Variants in EIF2AK2 observed in about 807,000 individuals in gnomAD.
EIF2AK2 encodes the protein interferon-induced, double-stranded RNA-activated protein kinase.
A neutral mutation model predicts 70.5 loss-of-function variants in EIF2AK2; 40 were observed. The ratio of observed to expected loss-of-function variants is 0.57; its 90% CI spans 0.44 to 0.74. The LOEUF (loss-of-function observed/expected upper bound fraction) is 0.74, where lower values mean the gene tolerates loss of function less well. Ranked by LOEUF, EIF2AK2 falls within the 30% of genes least tolerant of loss-of-function variation. EIF2AK2 has a pLI of 0.00. For synonymous variants in EIF2AK2, 198 were observed against 220.9 expected, an observed-to-expected ratio of 0.90 and a Z score of 0.92; for missense variants, 555 against 644.3, an observed-to-expected ratio of 0.86 and a Z score of 1.50.
chr2:37,120,738 G>A (rs920366404), intron 12 of EIF2AK2, among the ~76,000 whole-genome samples: 5 of 149,154 alleles, frequency 3.4e-5, no homozygotes, highest in Non-Finnish European at 7.5e-5. Context: ...CGAGACTGGC[G>A]GATTGCTTGA....
intron 4 of EIF2AK2, among the ~76,000 whole-genome samples, chr2:37,143,880 G>A (rs1045172495): frequency 3.3e-5 from 5 of 152,018 alleles, no homozygotes; most frequent in African/African-American, 1.2e-4. Context: ...GTACGACCCT[G>A]TCTCAAAAAA....
rs546892806 is a variant in EIF2AK2, at chr2:37,152,795, A to T, written c.-183-3772T>A. 9.2e-4 allele frequency among the ~76,000 whole-genome samples: 140 copies of T among 152,302 alleles called. 3 individuals carry two copies. Among genetic ancestry groups the T allele is most frequent in the Middle Eastern group, 6.8e-3 (2 of 294 alleles). On this transcript the variant is annotated intron_variant, in intron 1 of 16. Coordinates refer to ENST00000233057, the MANE Select transcript of EIF2AK2 (RefSeq NM_001135651.3). ...CTCTCTATCCAAATTCTCCACTTGAACATCTTGAACGAACTTTAAACTCAA... is the reference window on the plus strand; with the variant it reads ...CTCTCTATCCAAATTCTCCACTTGATCATCTTGAACGAACTTTAAACTCAA...
rs575789185 is a variant in EIF2AK2, at chr2:37,105,176, T to C, written c.*2097A>G. 1 of 152,106 alleles carries C rather than the reference T, an allele frequency of 6.6e-6. No homozygotes were observed. Among genetic ancestry groups the C allele is most frequent in the South Asian group, 2.1e-4 (1 of 4,810 alleles). 9.4% of individuals were successfully genotyped at this position (152,106 alleles called of 1,614,324 possible). ...TAAATTTGGCCCTTTTTAAAAATCC[T>C]AAAATCATATGGCAGTTTTAGAATG... On this transcript the variant is annotated 3_prime_UTR_variant, in exon 17 of 17. Transcript: ENST00000233057.
At chr2:37,111,539 T>A (rs1348446924) in intron 14 of EIF2AK2, among the ~76,000 whole-genome samples, 2 of 151,522 alleles carry the variant, frequency 1.3e-5, no homozygotes, top group Non-Finnish European at 2.9e-5. Flanking sequence ...GCAATACAGA[T>A]TCTGGAGAAA....
chr2:37,138,163 A>G, intron 8 of EIF2AK2, 107 bp downstream of exon 8: 1 of 870,312 alleles, frequency 1.1e-6, no homozygotes, highest in Non-Finnish European at 1.7e-6. Flanking sequence ...AAGAGTGCAT[A>G]AGATAAAAAA....
At chr2:37,135,840 C>T (rs937135001) in intron 9 of EIF2AK2, among the ~76,000 whole-genome samples, 5 of 152,202 alleles carry the variant, frequency 3.3e-5, no homozygotes, top group African/African-American at 1.2e-4. Context: ...TCATGTTACC[C>T]AGTCTGGTCT....
At chr2:37,132,759 C>A (rs972969067) in intron 10 of EIF2AK2, among the ~76,000 whole-genome samples, 6 of 152,184 alleles carry the variant, frequency 3.9e-5, no homozygotes, top group South Asian at 2.1e-4. Flanking sequence ...GAAAGCTTCA[C>A]CCCATTCCAA....
intron 6 of EIF2AK2, among the ~76,000 whole-genome samples, chr2:37,139,149 C>G (rs536876511): frequency 6.6e-6 from 1 of 151,802 alleles, no homozygotes; most frequent in East Asian, 1.9e-4. Context: ...AACCCCATCT[C>G]TACTAAAAAT....
chr2:37,147,714 A>C lies in EIF2AK2; in HGVS notation c.93T>G (p.Pro31=). The C allele has an allele frequency of 6.2e-7, 1 of 1,612,986 alleles. No homozygotes were observed. Among genetic ancestry groups the C allele is most frequent in the Non-Finnish European group, 8.5e-7 (1 of 1,179,254 alleles). ...TCCTATCATGTGGAGGTCCTGAATT[A>C]GGCAGTTCTTGATATTTAAGTACTA... The part of the protein sequence containing the change: ...QGVVLKYQEL[P]NSGPPHDRRF... The change falls in exon 3 of 17, where the codon CCT becomes CCG. Residue 31 remains proline, a synonymous_variant. Transcript: ENST00000233057.
At chr2:37,122,248 C>T (rs1470938398) in intron 12 of EIF2AK2, among the ~76,000 whole-genome samples, 1 of 152,136 alleles carries the variant, frequency 6.6e-6, no homozygotes, top group East Asian at 1.9e-4. Context: ...ACAATGGAGT[C>T]AGGAAAGCTG....
chr2:37,137,708 T>C (rs555424392), intron 8 of EIF2AK2, among the ~76,000 whole-genome samples: 126 of 152,090 alleles, frequency 8.3e-4, no homozygotes, highest in South Asian at 2.3e-3. Flanking sequence ...ATCCCATTGG[T>C]AGGAGAGAAA....
intron 6 of EIF2AK2, among the ~76,000 whole-genome samples, 190 bp from the exon 7 acceptor site, chr2:37,138,775 T>C (rs1675216842): frequency 6.6e-6 from 1 of 152,174 alleles, no homozygotes; most frequent in African/African-American, 2.4e-5. Context: ...TTTACTTTTC[T>C]GGATCACAGG....
At chr2:37,119,576 T>A (rs898497755) in intron 13 of EIF2AK2, among the ~76,000 whole-genome samples, 1 of 151,234 alleles carries the variant, frequency 6.6e-6, no homozygotes, top group Non-Finnish European at 1.5e-5. Flanking sequence ...TATATCTATC[T>A]ATCTTATTTT....
intron 4 of EIF2AK2, among the ~76,000 whole-genome samples, chr2:37,142,930 A>T (rs567837499): frequency 6.6e-6 from 1 of 152,110 alleles, no homozygotes; most frequent in Non-Finnish European, 1.5e-5. Flanking sequence ...CAGTACTTTC[A>T]TAAGAATCAA....
intron 10 of EIF2AK2, among the ~76,000 whole-genome samples, chr2:37,129,681 T>A (rs1461350346): frequency 6.6e-6 from 1 of 152,162 alleles, no homozygotes; most frequent in Admixed American, 6.5e-5. Flanking sequence ...ATGAAGGGCA[T>A]ACAAGAAACC....
chr2:37,115,192 C>T (rs1674294506), intron 13 of EIF2AK2: 1 of 202,606 alleles, frequency 4.9e-6, no homozygotes, highest in Non-Finnish European at 9.6e-6. Flanking sequence ...GGACTACAGG[C>T]ACCCGCCACC....
chr2:37,153,371 C>T (rs1319097100), intron 1 of EIF2AK2, among the ~76,000 whole-genome samples: 3 of 121,358 alleles, frequency 2.5e-5, no homozygotes, highest in East Asian at 3.1e-4. Context: ...GACAGGGTCT[C>T]GCTCTGTTGC....
At chr2:37,122,910 G>C (rs1454535647) in intron 11 of EIF2AK2, among the ~76,000 whole-genome samples, 4 of 152,194 alleles carry the variant, frequency 2.6e-5, no homozygotes, top group African/African-American at 9.6e-5. Context: ...GCTCAGGCCT[G>C]TAATCCCAGC....
At chr2:37,142,629 T>C (rs1675374126) in intron 4 of EIF2AK2, among the ~76,000 whole-genome samples, 1 of 152,110 alleles carries the variant, frequency 6.6e-6, no homozygotes, top group South Asian at 2.1e-4. Context: ...TAATTATACT[T>C]TGCACTTTTG....
Sources: gnomAD v4.1 joint callset for allele counts (sites outside exome capture counted in the v4.1 genomes callset) on GRCh38, gnomAD v4.1.1 for gene constraint, MANE v1.5 for transcripts, NCBI Gene and HGNC (gene_info 2026-07-23, HGNC 2026-07-21) for gene names.